The following RBFOX1 variants were observed in gnomAD, a reference collection of about 807,000 sequenced individuals.
RBFOX1 encodes RNA binding fox-1 homolog 1.
A neutral mutation model predicts 57.7 loss-of-function variants in RBFOX1; 8 were observed. The observed-to-expected ratio is 0.14, with a 90% CI of 0.08 to 0.25. RBFOX1 has a LOEUF of 0.25. Among genes scored for constraint, RBFOX1 ranks in the 10% least tolerant of loss-of-function variants. RBFOX1 has a pLI of 1.00. For synonymous variants in RBFOX1, 326 were observed against 222.4 expected (o/e 1.47, Z -4.15); for missense variants, 611 against 548.5 (o/e 1.11, Z -1.14).
At chr16:6,877,563 C>T (rs1263988303) in intron 3 of RBFOX1, among the ~76,000 whole-genome samples, 2 of 152,154 alleles carry the variant, frequency 1.3e-5, no homozygotes, top group African/African-American at 4.8e-5. Flanking sequence ...TCTGAATTCA[C>T]AGCCCCAGAG....
At chr16:6,857,409 G>T (rs755767777) in intron 3 of RBFOX1, among the ~76,000 whole-genome samples, 1 of 150,530 alleles carries the variant, frequency 6.6e-6, no homozygotes, top group Non-Finnish European at 1.5e-5. Context: ...CATGGGAGAG[G>T]TCAAATCCCA....
chr16:5,763,299 AAC>A (rs1232585641), intron 3 of RBFOX1, among the ~76,000 whole-genome samples: 3 of 152,198 alleles, frequency 2.0e-5, no homozygotes, highest in Non-Finnish European at 4.4e-5. Flanking sequence ...ATGTCTGGGA[AAC>A]ACACACAAGA....
chr16:6,710,540 A>G (rs975778563), intron 3 of RBFOX1, among the ~76,000 whole-genome samples: 3 of 152,236 alleles, frequency 2.0e-5, no homozygotes, highest in African/African-American at 4.8e-5. Flanking sequence ...GGTGATGGTT[A>G]CTTTATCTAA....
chr16:6,506,695 T>C (rs955771166), intron 2 of RBFOX1, among the ~76,000 whole-genome samples: 3 of 133,910 alleles, frequency 2.2e-5, no homozygotes, highest in Admixed American at 1.7e-4. Context: ...TCTCCCAGGC[T>C]GGAGTACAGT....
intron 1 of RBFOX1, among the ~76,000 whole-genome samples, chr16:5,430,751 G>T (rs7201765): frequency 0.062 from 9,401 of 152,270 alleles, 969 homozygotes; most frequent in African/African-American, 0.21. Context: ...CCTCATTGTA[G>T]TAATATAAGT....
intron 2 of RBFOX1, among the ~76,000 whole-genome samples, chr16:5,538,671 G>A (rs574432903): frequency 6.6e-5 from 10 of 150,458 alleles, no homozygotes; most frequent in African/African-American, 2.4e-4. Context: ...TGTTGCCTAG[G>A]CTGGAGTGCA....
chr16:6,900,688 G>T (rs1232989212), intron 3 of RBFOX1, among the ~76,000 whole-genome samples: 1 of 152,104 alleles, frequency 6.6e-6, no homozygotes, highest in African/African-American at 2.4e-5. Context: ...TCATTCTTCT[G>T]GTCTCAGAAT....
chr16:5,890,530 C>T (rs12324981), intron 4 of RBFOX1, among the ~76,000 whole-genome samples: 1 of 151,866 alleles, frequency 6.6e-6, no homozygotes, highest in Non-Finnish European at 1.5e-5. Context: ...AATTTTGTCT[C>T]TACTGAAAAT....
At chr16:7,219,047 A>C (rs1026465961) in intron 4 of RBFOX1, among the ~76,000 whole-genome samples, 26 of 152,114 alleles carry the variant, frequency 1.7e-4, no homozygotes, top group African/African-American at 5.8e-4. Context: ...CAGACAAAGC[A>C]CGCCTTTGTA....
intron 3 of RBFOX1, among the ~76,000 whole-genome samples, chr16:6,847,454 A>G (rs1261604661): frequency 1.3e-5 from 2 of 151,984 alleles, no homozygotes; most frequent in African/African-American, 2.4e-5. Context: ...CTTCACAGCA[A>G]TGGGGAGCCA....
At chr16:7,565,846 T>C (rs1442286982) in intron 5 of RBFOX1, among the ~76,000 whole-genome samples, 1 of 152,114 alleles carries the variant, frequency 6.6e-6, no homozygotes, top group Admixed American at 6.5e-5. Flanking sequence ...AGAGGCTGAA[T>C]AGTCAGTAGG....
chr16:6,393,959 G>C (rs1472297244), intron 2 of RBFOX1, among the ~76,000 whole-genome samples: 1 of 152,160 alleles, frequency 6.6e-6, no homozygotes, highest in Non-Finnish European at 1.5e-5. Flanking sequence ...GAGGTAGGCT[G>C]TTCTTTTTCC....
At chr16:7,262,509 C>T (rs12447458) in intron 4 of RBFOX1, among the ~76,000 whole-genome samples, 22,597 of 152,292 alleles carry the variant, frequency 0.15, 2,014 homozygotes, top group East Asian at 0.26. Flanking sequence ...GTTATTCCTA[C>T]TGCAATGAGC....
chr16:6,084,718 C>A (rs552561801), intron 1 of RBFOX1, among the ~76,000 whole-genome samples: 1 of 152,222 alleles, frequency 6.6e-6, no homozygotes, highest in Admixed American at 6.5e-5. Flanking sequence ...TAAGGTCAGG[C>A]ATTCTAGGGT....
intron 3 of RBFOX1, among the ~76,000 whole-genome samples, chr16:6,808,869 C>A (rs1297838119): frequency 6.6e-6 from 1 of 152,152 alleles, no homozygotes; most frequent in Non-Finnish European, 1.5e-5. Context: ...CCTGTAACAC[C>A]TTTAGCAGGG....
At chr16:6,936,032 C>T (rs116575585) in intron 3 of RBFOX1, among the ~76,000 whole-genome samples, 1 of 152,158 alleles carries the variant, frequency 6.6e-6, no homozygotes, top group Non-Finnish European at 1.5e-5. Flanking sequence ...AAGAGGGTTT[C>T]TTCTCAATGC....
chr16:6,338,536 A>C (rs566162503), intron 2 of RBFOX1, among the ~76,000 whole-genome samples: 1 of 152,360 alleles, frequency 6.6e-6, no homozygotes, highest in South Asian at 2.1e-4. Flanking sequence ...ATTCTCATAC[A>C]GTTGAGCACT....
chr16:6,397,920 A>G (rs560558838), intron 2 of RBFOX1, among the ~76,000 whole-genome samples: 1 of 152,370 alleles, frequency 6.6e-6, no homozygotes, highest in South Asian at 2.1e-4. Flanking sequence ...AATAATAGAT[A>G]TATCACTTAA....
intron 14 of RBFOX1, among the ~76,000 whole-genome samples, chr16:7,690,596 A>G (rs547281132): frequency 6.6e-6 from 1 of 152,178 alleles, no homozygotes; most frequent in East Asian, 1.9e-4. Context: ...AAGGAGACAG[A>G]CCCTGGTACC....
Sources: allele counts gnomAD v4.1 joint callset (sites outside exome capture counted in the v4.1 genomes callset), GRCh38; gene constraint gnomAD v4.1.1; transcripts MANE v1.5; gene names NCBI Gene and HGNC (gene_info 2026-07-23, HGNC 2026-07-21).